Variants in SNX16 observed in about 807,000 individuals in gnomAD.
SNX16 encodes sorting nexin 16.
In SNX16, 35 loss-of-function variants were observed where a neutral mutation model predicts 36.7. The observed-to-expected ratio is 0.95, with a 90% confidence interval of 0.73 to 1.27. The LOEUF (loss-of-function observed/expected upper bound fraction) is 1.27, where lower values mean the gene tolerates loss of function less well. Ranked by LOEUF, SNX16 falls within the 50% of genes most tolerant of loss-of-function variation. The pLI, the probability that SNX16 is intolerant of heterozygous loss-of-function variation, is 0.00. For synonymous variants in SNX16, 134 were observed against 132.0 expected (o/e 1.02, Z -0.10); for missense variants, 367 against 393.6 (o/e 0.93, Z 0.57).
At chr8:81,810,848 A>G (rs2130631380) in intron 5 of SNX16, among the ~76,000 whole-genome samples, 1 of 152,244 alleles carries the variant, frequency 6.6e-6, no homozygotes, top group Middle Eastern at 3.4e-3. Context: ...CGGCCACCAA[A>G]AAGTTATCCA....
intron 2 of SNX16, among the ~76,000 whole-genome samples, chr8:81,833,071 CTTT>C (rs1051243733): frequency 6.0e-5 from 9 of 151,192 alleles, no homozygotes; most frequent in Non-Finnish European, 1.3e-4. Flanking sequence ...ATGTAAACAG[CTTT>C]TATTAAAATG....
At chr8:81,825,894 T>C (rs574384600) in intron 3 of SNX16, among the ~76,000 whole-genome samples, 1 of 152,274 alleles carries the variant, frequency 6.6e-6, no homozygotes, top group Non-Finnish European at 1.5e-5. Context: ...CTTGGAGCTT[T>C]GATATTTAAT....
intron 2 of SNX16, among the ~76,000 whole-genome samples, chr8:81,835,858 C>T (rs967758247): frequency 6.6e-6 from 1 of 152,218 alleles, no homozygotes; most frequent in Non-Finnish European, 1.5e-5. Flanking sequence ...TGCAGGGAGA[C>T]TCCCGCTTTT....
intron 3 of SNX16, 62 bp from the exon 4 acceptor site, chr8:81,824,002 C>A (rs1368425438): frequency 7.6e-6 from 11 of 1,440,936 alleles, no homozygotes; most frequent in Admixed American, 4.3e-5. Flanking sequence ...TCTACAAAAT[C>A]TATCCTGTTG....
intron 2 of SNX16, among the ~76,000 whole-genome samples, chr8:81,833,936 T>G (rs1374910101): frequency 1.3e-5 from 2 of 152,236 alleles, no homozygotes; most frequent in Non-Finnish European, 2.9e-5. Flanking sequence ...GTAGTTGTTT[T>G]TGAATTATAA....
chr8:81,825,441 T>C (rs1038404405), intron 3 of SNX16, among the ~76,000 whole-genome samples: 2 of 152,210 alleles, frequency 1.3e-5, no homozygotes, highest in Admixed American at 1.3e-4. Context: ...TTGTTTCCCA[T>C]CTCTGATAGA....
chr8:81,824,826 T>C (rs984018518), intron 3 of SNX16, among the ~76,000 whole-genome samples: 6 of 152,120 alleles, frequency 3.9e-5, no homozygotes, highest in Non-Finnish European at 5.9e-5. Flanking sequence ...TCATATGAGG[T>C]ACAGTAAGGA....
rs1585971062 is a variant in SNX16, at chr8:81,802,949, T to C, written c.818+143A>G. On this transcript the variant is annotated intron_variant, in intron 6 of 7. Transcript: ENST00000345957. ...TAGCAAAATTATGCTAAATAAAGCATAATTTTCCCAATGAAGTATGCCAAA... is the reference window on the plus strand; with the variant it reads ...TAGCAAAATTATGCTAAATAAAGCACAATTTTCCCAATGAAGTATGCCAAA... The C allele has an allele frequency of 7.1e-5, 48 of 675,750 alleles. No homozygotes were observed. In the East Asian group the frequency reaches 1.5e-3, roughly 22 times the overall value. The allele number at this position is 675,750 out of a possible 1,614,324, so 41.9% of individuals were successfully genotyped here. A position where few individuals can be genotyped will look rare whatever the true frequency, so the allele number is the denominator to read the frequency against.
chr8:81,824,052 GAATTA>G, intron 3 of SNX16, 112 bp from the exon 4 acceptor site: 1 of 1,045,182 alleles, frequency 9.6e-7, no homozygotes, highest in South Asian at 1.6e-5. Context: ...TAAAATAAAA[GAATTA>G]AATTCAGTTA....
At chr8:81,837,205 T>A (rs1023250579) in intron 2 of SNX16, among the ~76,000 whole-genome samples, 4 of 152,206 alleles carry the variant, frequency 2.6e-5, no homozygotes, top group Non-Finnish European at 5.9e-5. Flanking sequence ...ATGCTTTCAT[T>A]CAAATTGCTG....
chr8:81,824,798 A>AT (rs1182644117), intron 3 of SNX16, among the ~76,000 whole-genome samples: 1 of 152,132 alleles, frequency 6.6e-6, no homozygotes, highest in Non-Finnish European at 1.5e-5. Flanking sequence ...AAGCTCACAG[A>AT]TTTTTTAGGT....
intron 2 of SNX16, among the ~76,000 whole-genome samples, chr8:81,839,181 T>C (rs1299867049): frequency 6.6e-6 from 1 of 152,148 alleles, no homozygotes; most frequent in Admixed American, 6.5e-5. Flanking sequence ...TGAAACACTG[T>C]TCACCAATAT....
Position 81,800,936 on chromosome 8 carries a change from A to G in SNX16, c.*561T>C, listed in dbSNP as rs1261773915. On this transcript the variant is annotated 3_prime_UTR_variant, in exon 8 of 8. Transcript: ENST00000345957. ...TCAAGTAGTTTTCCTTTGGTACTAG[A>G]AAGTCATTTTTCTAAAGAGCATTAA... The G allele has an allele frequency of 6.6e-6, 1 of 152,194 alleles. No homozygotes were observed. Among genetic ancestry groups the G allele is most frequent in the Non-Finnish European group, 1.5e-5 (1 of 67,668 alleles). The allele number at this position is 152,194 out of a possible 1,614,324, so 9.4% of individuals were successfully genotyped here.
intron 2 of SNX16, among the ~76,000 whole-genome samples, chr8:81,834,259 C>T (rs940480809): frequency 2.3e-4 from 35 of 152,310 alleles, no homozygotes; most frequent in African/African-American, 7.9e-4. Flanking sequence ...ACAAGAACAG[C>T]ATGGGAAAGA....
At chr8:81,808,595 C>T (rs1190009446) in intron 5 of SNX16, 13 of 960,916 alleles carry the variant, frequency 1.4e-5, no homozygotes, top group Non-Finnish European at 1.7e-5. Flanking sequence ...ATTTTGGACC[C>T]ATGAAGATGG....
intron 5 of SNX16, among the ~76,000 whole-genome samples, chr8:81,810,435 G>T (rs1195313250): frequency 2.6e-5 from 4 of 152,126 alleles, no homozygotes; most frequent in Admixed American, 2.6e-4. Flanking sequence ...CTTAAAATGA[G>T]AGGCTGCTTA....
intron 4 of SNX16, among the ~76,000 whole-genome samples, chr8:81,819,962 T>C (rs1810659687): frequency 6.6e-6 from 1 of 152,050 alleles, no homozygotes; most frequent in Admixed American, 6.6e-5. Flanking sequence ...CTAGCCTTGT[T>C]GTAAGGTGCT....
chr8:81,839,718 G>A lies in SNX16; in HGVS notation c.269C>T (p.Pro90Leu), dbSNP rs779051599. ...TASSIEYSTRPRDTEEQNPET... is the reference protein window; with the variant it reads ...TASSIEYSTRLRDTEEQNPET... ...CGGATTTTGTTCTTCAGTGTCTCTT[G>A]GTCTAGTAGAATACTCAATGGAAGA... The change falls in exon 2 of 8, where the codon CCA becomes CTA. Residue 90 changes from proline to leucine, a missense_variant. Physicochemically the swap from Pro to Leu is moderately conservative, Grantham distance 98. Transcript: ENST00000345957. The A allele has an allele frequency of 8.7e-6, 14 of 1,613,806 alleles. No individual in the cohort carries two copies. The South Asian group carries it at 1.3e-4, about 15-fold the overall frequency.
chr8:81,839,656 T>C lies in SNX16; in HGVS notation c.331A>G (p.Thr111Ala). 3 of 1,613,820 alleles carry C rather than the reference T, an allele frequency of 1.9e-6. No individual in the cohort carries two copies. Among genetic ancestry groups the C allele is most frequent in the South Asian group, 1.1e-5 (1 of 91,080 alleles). The change falls in exon 2 of 8, where the codon ACT becomes GCT. Residue 111 changes from threonine to alanine, a missense_variant. By Grantham distance (58) the Thr-to-Ala change is moderately conservative. Coordinates refer to ENST00000345957, the MANE Select transcript of SNX16 (RefSeq NM_152836.3). ...VNWEDRPSTPTILGYEVMEER... is the reference protein window; with the variant it reads ...VNWEDRPSTPAILGYEVMEER... ...TCCATCACTTCATAACCCAGTATAG[T>C]AGGTGTAGATGGTCTATCTTCCCAA...
Sources: gnomAD v4.1 joint callset for allele counts (sites outside exome capture counted in the v4.1 genomes callset) on GRCh38, gnomAD v4.1.1 for gene constraint, MANE v1.5 for transcripts, NCBI Gene and HGNC (gene_info 2026-07-23, HGNC 2026-07-21) for gene names.